GTF2H1: variants seen among roughly 807,000 people sequenced by gnomAD.
GTF2H1 encodes BTF2 p62.
Under a neutral mutation model 71.2 loss-of-function variants are expected in GTF2H1, and 16 were observed. That is an observed-to-expected ratio of 0.22 (90% CI 0.15 to 0.34). The LOEUF is 0.34. GTF2H1 is among the 10% of genes least tolerant of loss of function. The probability of loss-of-function intolerance (pLI) is 1.00; values close to 1 mark genes in which losing one functional copy is unlikely to be tolerated. For missense variants in GTF2H1, 498 were observed against 648.2 expected (o/e 0.77, Z 2.52); for synonymous variants, 215 against 219.0 (o/e 0.98, Z 0.16).
At position 18,347,678 on chromosome 11, in the gene GTF2H1, C is replaced by CA; in HGVS notation, c.929dup (p.His310GlnfsTer18). 6.2e-7 allele frequency: 1 copy of CA among 1,613,332 alleles called. No homozygotes were observed. On this transcript the variant is annotated frameshift_variant, in exon 8 of 15. Coordinates refer to ENST00000265963, the MANE Select transcript of GTF2H1 (RefSeq NM_005316.4). LOFTEE classifies it high-confidence loss of function. Reference sequence around the variant, plus strand: ...TGCCATCATCAAGAGATTTAACCATCACAGTGCCATGGTCCTGGCAGCTGG... The same window carrying CA: ...TGCCATCATCAAGAGATTTAACCATCAACAGTGCCATGGTCCTGGCAGCTGG...
Position 18,366,476 on chromosome 11 carries a change from A to G in GTF2H1, c.*607A>G, listed in dbSNP as rs1865826624. On this transcript the variant is annotated 3_prime_UTR_variant, in exon 15 of 15. Transcript: ENST00000265963. ...GAGACTGTTGCTCAACCATCAGGAA[A>G]CAGTTGTCAGAAGACATCATTGGTT... 6.5e-6 allele frequency: 1 copy of G among 152,674 alleles called. No individual in the cohort carries two copies. The highest frequency in any genetic ancestry group is 2.4e-5 in the African/African-American group (1 of 41,468). The allele number at this position is 152,674 out of a possible 1,614,324, so 9.5% of individuals were successfully genotyped here. A position where few individuals can be genotyped will look rare whatever the true frequency, so the allele number is the denominator to read the frequency against.
intron 2 of GTF2H1, among the ~76,000 whole-genome samples, chr11:18,334,087 C>G (rs1565006198): frequency 6.6e-6 from 1 of 152,078 alleles, no homozygotes; most frequent in East Asian, 1.9e-4. Flanking sequence ...ACTAAAAATA[C>G]AAAAATTAAG....
In GTF2H1 at chr11:18,366,349, A is replaced by G. The variant is rs1865822651; in HGVS notation, c.*480A>G. The G allele has an allele frequency of 6.5e-6, 1 of 152,904 alleles. No individual in the cohort carries two copies. Among genetic ancestry groups the G allele is most frequent in the Admixed American group, 6.5e-5 (1 of 15,268 alleles). The allele number at this position is 152,904 out of a possible 1,614,324, so 9.5% of individuals were successfully genotyped here. A position where few individuals can be genotyped will look rare whatever the true frequency, so the allele number is the denominator to read the frequency against. On this transcript the variant is annotated 3_prime_UTR_variant, in exon 15 of 15. Transcript: ENST00000265963. ...GGTAGACCTTAAGTATTCCTCCTCC[A>G]TCCTTCATTCTTCACCCTCCATTGG...
intron 12 of GTF2H1, 164 bp downstream of exon 12, chr11:18,358,206 G>T: frequency 1.6e-6 from 1 of 620,920 alleles, no homozygotes; most frequent in East Asian, 2.8e-5. Flanking sequence ...ATCTAGACAA[G>T]ATCTTAGGTT....
At chr11:18,325,747 G>A (rs1181420053) in intron 1 of GTF2H1, among the ~76,000 whole-genome samples, 4 of 152,110 alleles carry the variant, frequency 2.6e-5, no homozygotes, top group Admixed American at 1.3e-4. Context: ...CTCAGAGCAA[G>A]GTATATGAAT....
chr11:18,346,004 A>G (rs4150634), intron 7 of GTF2H1, among the ~76,000 whole-genome samples: 114 of 149,286 alleles, frequency 7.6e-4, no homozygotes, highest in African/African-American at 1.9e-3. Context: ...GTTAGCCAGG[A>G]TGGCCTCGAT....
intron 2 of GTF2H1, among the ~76,000 whole-genome samples, chr11:18,334,378 AAAG>A (rs1290972777): frequency 1.3e-5 from 2 of 152,222 alleles, no homozygotes; most frequent in African/African-American, 4.8e-5. Flanking sequence ...CTTCTCAAAA[AAAG>A]ACATATATTT....
chr11:18,348,801 G>A (rs952329504), intron 9 of GTF2H1: 5 of 152,068 alleles, frequency 3.3e-5, no homozygotes, highest in African/African-American at 9.7e-5. Context: ...TATGCTAAAC[G>A]GTTATCTTTC....
chr11:18,339,383 T>G (rs991917852), intron 4 of GTF2H1, among the ~76,000 whole-genome samples, 181 bp from the exon 5 acceptor site: 5 of 152,224 alleles, frequency 3.3e-5, no homozygotes. Flanking sequence ...CTTAAGACCG[T>G]GAGAAACCAG....
chr11:18,350,438 TAAAAAA>T (rs5790034), intron 9 of GTF2H1, among the ~76,000 whole-genome samples: 2 of 149,530 alleles, frequency 1.3e-5, no homozygotes, highest in African/African-American at 2.5e-5. Context: ...AGAAAGTAGT[TAAAAAA>T]AAAAAAGTCA....
At chr11:18,365,377 CA>C (rs906366931) in intron 14 of GTF2H1, among the ~76,000 whole-genome samples, 2 of 151,342 alleles carry the variant, frequency 1.3e-5, no homozygotes, top group Non-Finnish European at 2.9e-5. Context: ...GACTCTGTCT[CA>C]AAAAATAAAA....
chr11:18,351,889 A>G lies in GTF2H1; in HGVS notation c.1062A>G (p.Leu354=). 1 of 1,523,426 alleles carries G rather than the reference A, an allele frequency of 6.6e-7. No homozygotes were observed. Among genetic ancestry groups the G allele is most frequent in the Non-Finnish European group, 9.1e-7 (1 of 1,098,598 alleles). The allele number at this position is 1,523,426 out of a possible 1,614,324, so 94.4% of individuals were successfully genotyped here. ...CFQPAVKRAK[L]QESIEYEDLG... ...TGTGTTAATAATTATAGGCGAAATT[A>G]CAAGAGTCCATTGAATATGAAGACT... Residue 354 remains leucine (L), a synonymous_variant, in exon 10 of 15, where the codon TTA becomes TTG. Coordinates refer to ENST00000265963, the MANE Select transcript of GTF2H1 (RefSeq NM_005316.4).
chr11:18,323,321 G>C (rs910601242), intron 1 of GTF2H1, among the ~76,000 whole-genome samples: 1 of 152,004 alleles, frequency 6.6e-6, no homozygotes, highest in African/African-American at 2.4e-5. Flanking sequence ...TTAAGAGACA[G>C]AGTCTTGTTC....
intron 2 of GTF2H1, among the ~76,000 whole-genome samples, chr11:18,334,596 T>C (rs1007293643): frequency 4.6e-5 from 7 of 152,344 alleles, no homozygotes; most frequent in African/African-American, 1.4e-4. Context: ...TCTACAATTC[T>C]TCTCAGTTAT....
intron 14 of GTF2H1, among the ~76,000 whole-genome samples, chr11:18,361,641 C>G (rs558200504): frequency 6.6e-6 from 1 of 152,272 alleles, no homozygotes; most frequent in East Asian, 1.9e-4. Context: ...CGCACTCCAG[C>G]CTGGGTGACA....
chr11:18,365,432 C>T (rs769515896), intron 14 of GTF2H1, among the ~76,000 whole-genome samples: 1 of 152,066 alleles, frequency 6.6e-6, no homozygotes, highest in Admixed American at 6.6e-5. Context: ...CCTTAGTTGG[C>T]TGACCAGTAT....
chr11:18,337,242 A>G (rs142352629), intron 3 of GTF2H1, among the ~76,000 whole-genome samples: 25 of 152,244 alleles, frequency 1.6e-4, no homozygotes, highest in African/African-American at 5.8e-4. Context: ...CAACCCAGCC[A>G]ACATGGTGAA....
rs138965123 is a variant in GTF2H1, at chr11:18,358,547, A to G, written c.1374A>G (p.Gln458=). ...AINQMVPNDI[Q]SELKHLYVAV... is the part of the protein sequence containing the mutation. ...CAGAGATGGTGCCAAATGATATTCAATCTGAATTGAAACACTTATATGTAG... is the reference window on the plus strand; with the variant it reads ...CAGAGATGGTGCCAAATGATATTCAGTCTGAATTGAAACACTTATATGTAG... The change falls in exon 13 of 15, where the codon CAA becomes CAG. Residue 458 remains glutamine, a synonymous_variant. Coordinates refer to ENST00000265963, the MANE Select transcript of GTF2H1 (RefSeq NM_005316.4). 9.9e-5 allele frequency: 160 copies of G among 1,608,314 alleles called. 2 individuals are homozygous for G. The African/African-American group carries it at 1.2e-3, about 12-fold the overall frequency.
At chr11:18,350,114 A>G (rs879838793) in intron 9 of GTF2H1, among the ~76,000 whole-genome samples, 7 of 152,218 alleles carry the variant, frequency 4.6e-5, no homozygotes, top group African/African-American at 9.6e-5. Context: ...GGCTCTAACT[A>G]TTCTTCCAAG....
Sources: gnomAD v4.1 joint callset for allele counts (sites outside exome capture counted in the v4.1 genomes callset) on GRCh38, gnomAD v4.1.1 for gene constraint, MANE v1.5 for transcripts, NCBI Gene and HGNC (gene_info 2026-07-23, HGNC 2026-07-21) for gene names.